Variants in FAM13B observed in about 807,000 individuals in gnomAD.
FAM13B encodes protein FAM13B.
Under a neutral mutation model 117.3 loss-of-function variants are expected in FAM13B, and 60 were observed. The ratio of observed to expected loss-of-function variants is 0.51; its 90% CI spans 0.42 to 0.63. The LOEUF (loss-of-function observed/expected upper bound fraction) is 0.63. Among genes scored for constraint, FAM13B ranks in the 30% least tolerant of loss-of-function variants. FAM13B has a pLI of 0.00. For missense variants in FAM13B, 972 were observed against 1,091.9 expected, an observed-to-expected ratio of 0.89 and a Z score of 1.55; for synonymous variants, 332 against 356.1, an observed-to-expected ratio of 0.93 and a Z score of 0.76.
intron 7 of FAM13B, among the ~76,000 whole-genome samples, chr5:137,991,834 T>A (rs1778670735): frequency 6.6e-6 from 1 of 152,190 alleles, no homozygotes; most frequent in African/African-American, 2.4e-5. Context: ...AAGAAGATAA[T>A]GTGGAAATGT....
At chr5:138,000,894 C>A (rs1193986363) in intron 7 of FAM13B, among the ~76,000 whole-genome samples, 1 of 150,544 alleles carries the variant, frequency 6.6e-6, no homozygotes, top group Non-Finnish European at 1.5e-5. Flanking sequence ...TGTGCCACTG[C>A]CCTCCAGCCT....
At chr5:137,980,800 C>T (rs1775495695) in intron 10 of FAM13B, among the ~76,000 whole-genome samples, 1 of 152,168 alleles carries the variant, frequency 6.6e-6, no homozygotes, top group African/African-American at 2.4e-5. Flanking sequence ...TACTATGTGC[C>T]AGATGCTATT....
chr5:138,036,815 A>C (rs1791207670), upstream of FAM13B: 1 of 345,096 alleles, frequency 2.9e-6, no homozygotes, highest in African/African-American at 2.2e-5. Context: ...AACTGCGACA[A>C]TTTTGGGGGA....
chr5:138,014,149 C>T (rs566878619), intron 4 of FAM13B, among the ~76,000 whole-genome samples: 1 of 152,348 alleles, frequency 6.6e-6, no homozygotes, highest in African/African-American at 2.4e-5. Flanking sequence ...GTTGCCCAGA[C>T]TGGTCTAGAA....
chr5:137,967,329 G>A (rs554000100), intron 10 of FAM13B, among the ~76,000 whole-genome samples: 27 of 152,178 alleles, frequency 1.8e-4, no homozygotes, highest in Admixed American at 1.8e-3. Flanking sequence ...TTCAAGACCA[G>A]CCTGGCCAAG....
chr5:137,988,169 TAC>T (rs1278631396), intron 8 of FAM13B, 103 bp downstream of exon 8: 2 of 807,012 alleles, frequency 2.5e-6, no homozygotes, highest in Admixed American at 3.0e-5. Flanking sequence ...ACTGCCTGTG[TAC>T]AGTCTTTCCT....
At chr5:137,946,342 C>CG in intron 18 of FAM13B, 31 bp from the exon 19 acceptor site, 2 of 919,182 alleles carry the variant, frequency 2.2e-6, no homozygotes, top group South Asian at 4.4e-5. Context: ...TAACAAAATA[C>CG]AAAAAAAAAA....
intron 7 of FAM13B, among the ~76,000 whole-genome samples, chr5:137,998,399 C>T (rs1780371285): frequency 6.6e-6 from 1 of 152,162 alleles, no homozygotes; most frequent in South Asian, 2.1e-4. Context: ...GAGTACATTT[C>T]TTTTTTAATA....
At chr5:137,950,726 C>CTA (rs1448027150) in intron 17 of FAM13B, among the ~76,000 whole-genome samples, 4 of 151,814 alleles carry the variant, frequency 2.6e-5, no homozygotes, top group Admixed American at 1.3e-4. Context: ...AGCAGACGGA[C>CTA]TACAGAGCAG....
chr5:138,001,214 T>C (rs1444290843), intron 7 of FAM13B, among the ~76,000 whole-genome samples: 1 of 152,184 alleles, frequency 6.6e-6, no homozygotes, highest in Non-Finnish European at 1.5e-5. Flanking sequence ...TGAAGAGAAA[T>C]ACAAAGCAGG....
intron 10 of FAM13B, among the ~76,000 whole-genome samples, chr5:137,970,300 A>C (rs558376467): frequency 6.6e-6 from 1 of 152,084 alleles, no homozygotes; most frequent in Non-Finnish European, 1.5e-5. Context: ...AGTGGGGGCC[A>C]ATATTCAACA....
intron 1 of FAM13B, among the ~76,000 whole-genome samples, chr5:138,041,077 A>C (rs553993848): frequency 6.6e-6 from 1 of 151,730 alleles, no homozygotes; most frequent in Non-Finnish European, 1.5e-5. Context: ...AAAAAAAAAA[A>C]AAAAGAAAAG....
chr5:137,956,050 C>A (rs962957714), intron 14 of FAM13B, among the ~76,000 whole-genome samples: 1 of 152,076 alleles, frequency 6.6e-6, no homozygotes, highest in Non-Finnish European at 1.5e-5. Context: ...TTTCTTTTTC[C>A]TCACACAATA....
At position 137,982,784 on chromosome 5, in the gene FAM13B, T is replaced by C. The variant is rs558861034; in HGVS notation, c.1179+2473A>G. ...GGGTCTTGATTTCTGAAGGTGTTCATGTCATGTAAAACTTACATTAAATAA... is the reference window on the plus strand; with the variant it reads ...GGGTCTTGATTTCTGAAGGTGTTCACGTCATGTAAAACTTACATTAAATAA... On this transcript the variant is annotated intron_variant, in intron 10 of 23. Transcript: ENST00000689681. Among the ~76,000 whole-genome samples, 189 of 152,358 alleles carry C rather than the reference T, an allele frequency of 1.2e-3. 2 individuals carry two copies. The highest frequency in any genetic ancestry group is 1.8e-3 in the Non-Finnish European group (125 of 68,036).
chr5:137,949,228 G>C lies in FAM13B; in HGVS notation c.1931-44C>G, dbSNP rs769036866. On this transcript the variant is annotated intron_variant, in intron 17 of 23. Coordinates refer to ENST00000689681, the MANE Select transcript of FAM13B (RefSeq NM_001385994.1). ...GACAGATCAGTAATAATTGGTTTTAGCTTTGACCGGGTCAAAGAATAAGCA... is the reference window on the plus strand; with the variant it reads ...GACAGATCAGTAATAATTGGTTTTACCTTTGACCGGGTCAAAGAATAAGCA... 5 of 1,493,170 alleles carry C rather than the reference G, an allele frequency of 3.3e-6. No individual in the cohort carries two copies. In the Admixed American group the frequency reaches 8.4e-5, roughly 25 times the overall value. The allele number at this position is 1,493,170 out of a possible 1,614,324, so 92.5% of individuals were successfully genotyped here.
At chr5:137,979,890 G>A (rs997550550) in intron 10 of FAM13B, among the ~76,000 whole-genome samples, 4 of 151,800 alleles carry the variant, frequency 2.6e-5, no homozygotes, top group African/African-American at 4.8e-5. Flanking sequence ...GACCAGGCAC[G>A]GTGGCTCACG....
intron 10 of FAM13B, among the ~76,000 whole-genome samples, chr5:137,979,362 T>C (rs957469620): frequency 6.6e-6 from 1 of 152,160 alleles, no homozygotes; most frequent in African/African-American, 2.4e-5. Context: ...AGCCTACTGA[T>C]TGTTGTTGTC....
Position 138,011,810 on chromosome 5 carries a change from G to T in FAM13B, c.506C>A (p.Ser169Tyr). Residue 169 changes from serine (S) to tyrosine (Y), a missense_variant, in exon 5 of 24, where the codon TCC becomes TAC. Ser to Tyr is a moderately radical substitution (Grantham distance 144). Coordinates refer to ENST00000689681, the MANE Select transcript of FAM13B (RefSeq NM_001385994.1). ...AAAGACAGCAGCCAAAGAATTTGCG[G>T]ACCAAATTTCTTCATGATGTGATGC... The part of the protein sequence containing the change: ...NVASHHEEIW[S>Y]ANSLAAVFGP... The T allele has an allele frequency of 6.2e-7, 1 of 1,612,012 alleles. No individual in the cohort carries two copies. The highest frequency in any genetic ancestry group is 1.1e-5 in the South Asian group (1 of 90,668).
At chr5:137,946,196 A>C in intron 19 of FAM13B, 32 bp downstream of exon 19, 1 of 1,536,310 alleles carries the variant, frequency 6.5e-7, no homozygotes, top group Non-Finnish European at 8.8e-7. Context: ...TTAAGACATA[A>C]AATCAAATCT....
Sources: gnomAD v4.1 joint callset for allele counts (sites outside exome capture counted in the v4.1 genomes callset) on GRCh38, gnomAD v4.1.1 for gene constraint, MANE v1.5 for transcripts, NCBI Gene and HGNC (gene_info 2026-07-23, HGNC 2026-07-21) for gene names.